The following MAT2A variants were observed in gnomAD, a reference collection of about 807,000 sequenced individuals.
MAT2A encodes methionine adenosyltransferase 2A, also known as S-adenosylmethionine synthase isoform type-2.
MAT2A carries 3 observed loss-of-function variants against 43.9 expected under a neutral mutation model. The ratio of observed to expected loss-of-function variants is 0.07; its 90% CI spans 0.03 to 0.18. The LOEUF (loss-of-function observed/expected upper bound fraction) is 0.18. Ranked by LOEUF, MAT2A falls within the 10% of genes least tolerant of loss-of-function variation. MAT2A has a pLI of 1.00. For missense variants in MAT2A, 204 were observed against 489.0 expected, an observed-to-expected ratio of 0.42 and a Z score of 5.50; for synonymous variants, 200 against 168.4, an observed-to-expected ratio of 1.19 and a Z score of -1.45.
intron 1 of MAT2A, 112 bp downstream of exon 1, chr2:85,539,490 G>A: frequency 1.3e-6 from 1 of 757,762 alleles, no homozygotes; most frequent in Non-Finnish European, 2.0e-6. Flanking sequence ...TCGTCCGCCG[G>A]GTGATGGAAG....
In MAT2A at chr2:85,544,879, A is replaced by G. The variant is rs922563709; in HGVS notation, c.*1107A>G. ...CGTTTTCTAATTGCTTATTTATTGT[A>G]TTCTGGGGTATGGCGTAAGTACAGA... is the stretch of plus-strand genomic sequence containing the variant. On this transcript the variant is annotated 3_prime_UTR_variant, in exon 9 of 9. Transcript: ENST00000306434. The G allele has an allele frequency of 4.6e-5, 7 of 152,588 alleles. No homozygotes were observed. Among genetic ancestry groups the G allele is most frequent in the African/African-American group, 1.7e-4 (7 of 41,438 alleles). 9.5% of individuals were successfully genotyped at this position (152,588 alleles called of 1,614,324 possible).
chr2:85,541,167 T>G lies in MAT2A; in HGVS notation c.169+7T>G. The G allele has an allele frequency of 6.2e-7, 1 of 1,613,818 alleles. No homozygotes were observed. The highest frequency in any genetic ancestry group is 8.5e-7 in the Non-Finnish European group (1 of 1,179,744). On this transcript the variant is annotated splice_region_variant and intron_variant, in intron 2 of 8. Transcript: ENST00000306434. ...GATGCCAAAGTAGCTTGTGGTAGGT[T>G]CAGAATGTGCTTATCAACTGGTGGA...
rs1691580208 is a variant in MAT2A at position 85,544,848 on chromosome 2, C to T, written c.*1076C>T. 1 of 152,594 alleles carries T rather than the reference C, an allele frequency of 6.6e-6. No homozygotes were observed. The highest frequency in any genetic ancestry group is 1.5e-5 in the Non-Finnish European group (1 of 68,034). The allele number at this position is 152,594 out of a possible 1,614,324, so 9.5% of individuals were successfully genotyped here. ...GCGGGGAGGAGGAAATCCCTTCATACTTGAACGTTTTCTAATTGCTTATTT... is the reference window on the plus strand; with the variant it reads ...GCGGGGAGGAGGAAATCCCTTCATATTTGAACGTTTTCTAATTGCTTATTT... On this transcript the variant is annotated 3_prime_UTR_variant, in exon 9 of 9. Coordinates refer to ENST00000306434, the MANE Select transcript of MAT2A (RefSeq NM_005911.6).
chr2:85,540,346 G>C (rs1162718007), intron 1 of MAT2A, among the ~76,000 whole-genome samples: 2 of 152,170 alleles, frequency 1.3e-5, no homozygotes, highest in African/African-American at 2.4e-5. Context: ...AGTTTACTGT[G>C]CCCATGATGA....
intron 1 of MAT2A, 64 bp from the exon 2 acceptor site, chr2:85,541,019 G>T (rs1338265889): frequency 1.2e-5 from 12 of 1,033,460 alleles, no homozygotes; most frequent in Non-Finnish European, 1.6e-5. Context: ...GAGGGAGCTT[G>T]CATACATACA....
At position 85,544,592 on chromosome 2, in the gene MAT2A, G is replaced by T. The variant is rs1388750477; in HGVS notation, c.*820G>T. On this transcript the variant is annotated 3_prime_UTR_variant, in exon 9 of 9. Transcript: ENST00000306434. ...AAAAACAGGCACTTGGCAGCCTTGT[G>T]ATGTCATACAGAGAAGTCACAGGGC... The T allele has an allele frequency of 2.6e-5, 4 of 152,692 alleles. No homozygotes were observed. Among genetic ancestry groups the T allele is most frequent in the East Asian group, 1.9e-4 (1 of 5,200 alleles). The allele number at this position is 152,692 out of a possible 1,614,324, so 9.5% of individuals were successfully genotyped here. A position where few individuals can be genotyped will look rare whatever the true frequency, so the allele number is the denominator to read the frequency against.
At chr2:85,543,108 G>A in intron 8 of MAT2A, 74 bp downstream of exon 8, 2 of 1,501,024 alleles carry the variant, frequency 1.3e-6, no homozygotes, top group Non-Finnish European at 9.0e-7. Flanking sequence ...TAAGGCTGAG[G>A]AGGTGAAGGT....
At chr2:85,540,556 C>T (rs929123113) in intron 1 of MAT2A, among the ~76,000 whole-genome samples, 7 of 152,146 alleles carry the variant, frequency 4.6e-5, no homozygotes, top group African/African-American at 1.7e-4. Flanking sequence ...TTTGTTCTCC[C>T]TCCTAACAAT....
In MAT2A at chr2:85,543,940, A is replaced by G; in HGVS notation, c.*168A>G. The G allele has an allele frequency of 7.1e-6, 4 of 565,172 alleles. No homozygotes were observed. In the East Asian group the frequency reaches 9.0e-5, roughly 13 times the overall value. 35.0% of individuals were successfully genotyped at this position (565,172 alleles called of 1,614,324 possible). On this transcript the variant is annotated 3_prime_UTR_variant, in exon 9 of 9. Coordinates refer to ENST00000306434, the MANE Select transcript of MAT2A (RefSeq NM_005911.6). The stretch of plus-strand genomic sequence containing the variant: ...AATTTTAGCTTTTGTGGGGGACTGT[A>G]AGTTGGGCTTGCTATTCTGTCCCTA...
chr2:85,541,503 T>C, intron 3 of MAT2A, 126 bp downstream of exon 3: 1 of 1,345,234 alleles, frequency 7.4e-7, no homozygotes, highest in Non-Finnish European at 1.0e-6. Context: ...CCCTATTCTG[T>C]TCATTCTCTA....
At chr2:85,542,416 C>T (rs1393801343) in intron 6 of MAT2A, 43 bp downstream of exon 6, 1 of 1,591,846 alleles carries the variant, frequency 6.3e-7, no homozygotes, top group Non-Finnish European at 8.6e-7. Flanking sequence ...TTGATGGTTA[C>T]TTAAAATTTT....
intron 8 of MAT2A, 82 bp downstream of exon 8, chr2:85,543,116 G>T: frequency 2.1e-6 from 3 of 1,439,302 alleles, no homozygotes; most frequent in South Asian, 1.4e-5. Context: ...AGGAGGTGAA[G>T]GTGTGAAGGA....
intron 8 of MAT2A, 197 bp downstream of exon 8, chr2:85,543,231 G>A (rs1260114135): frequency 3.4e-6 from 2 of 585,616 alleles, no homozygotes; most frequent in East Asian, 2.9e-5. Context: ...GTGCTCCATG[G>A]CTTAGGCTAA....
chr2:85,544,353 G>T lies in MAT2A; in HGVS notation c.*581G>T, dbSNP rs1174140129. 6.6e-6 allele frequency: 1 copy of T among 152,626 alleles called. No homozygotes were observed. Among genetic ancestry groups the T allele is most frequent in the African/African-American group, 2.4e-5 (1 of 41,454 alleles). 9.5% of individuals were successfully genotyped at this position (152,626 alleles called of 1,614,324 possible). On this transcript the variant is annotated 3_prime_UTR_variant, in exon 9 of 9. Transcript: ENST00000306434. ...ATCTTGCATGTAACGCAAGTTCCCA[G>T]TTGGAGCTCCAGCCTGACATCAAAA... is the stretch of plus-strand genomic sequence containing the variant.
chr2:85,539,270 C>T lies in MAT2A; in HGVS notation c.-18C>T, dbSNP rs772772892. ...CCGCTGCTCCTTCGTAAGGCCACTTCCGCACACCGACACCAACATGAACGG... is the reference window on the plus strand; with the variant it reads ...CCGCTGCTCCTTCGTAAGGCCACTTTCGCACACCGACACCAACATGAACGG... On this transcript the variant is annotated 5_prime_UTR_variant, in exon 1 of 9. Transcript: ENST00000306434. The T allele has an allele frequency of 5.0e-5, 80 of 1,594,600 alleles. No homozygotes were observed. The highest frequency in any genetic ancestry group is 5.0e-4 in the Middle Eastern group (3 of 6,026).
rs775531241 is a variant in MAT2A, at chr2:85,542,758, T to C, written c.951+11T>C. ...AGGGTTCTTGTTCAGGTATACACTC[T>C]TTATATAACGAACGATTAAAAGTCA... On this transcript the variant is annotated intron_variant, in intron 7 of 8. Coordinates refer to ENST00000306434, the MANE Select transcript of MAT2A (RefSeq NM_005911.6). 58 of 1,592,906 alleles carry C rather than the reference T, an allele frequency of 3.6e-5. No homozygotes were observed. The highest frequency in any genetic ancestry group is 4.7e-5 in the Non-Finnish European group (55 of 1,166,380).
intron 3 of MAT2A, 71 bp from the exon 4 acceptor site, chr2:85,541,562 A>G (rs1186230733): frequency 2.2e-6 from 3 of 1,359,548 alleles, no homozygotes; most frequent in Non-Finnish European, 3.0e-6. Context: ...AGTGTTTAGA[A>G]TTCCAGATAA....
chr2:85,541,022 T>C, intron 1 of MAT2A, 61 bp from the exon 2 acceptor site: 2 of 1,086,208 alleles, frequency 1.8e-6, no homozygotes, highest in Non-Finnish European at 2.8e-6. Flanking sequence ...GGAGCTTGCA[T>C]ACATACATAC....
intron 3 of MAT2A, 66 bp downstream of exon 3, chr2:85,541,443 GA>G: frequency 6.4e-7 from 1 of 1,567,472 alleles, no homozygotes; most frequent in Non-Finnish European, 8.7e-7. Context: ...GAAACTCCTA[GA>G]ATGTTCCTGC....
Sources: allele counts gnomAD v4.1 joint callset (sites outside exome capture counted in the v4.1 genomes callset), GRCh38; gene constraint gnomAD v4.1.1; transcripts MANE v1.5; gene names NCBI Gene and HGNC (gene_info 2026-07-23, HGNC 2026-07-21).